Variants in TRAK1 observed in about 807,000 individuals in gnomAD.
TRAK1 encodes trafficking kinesin-binding protein 1.
TRAK1 carries 33 observed loss-of-function variants against 92.1 expected under a neutral mutation model. The observed-to-expected ratio is 0.36, with a 90% confidence interval of 0.27 to 0.48. The LOEUF (loss-of-function observed/expected upper bound fraction) is 0.48, where lower values mean the gene tolerates loss of function less well. Among genes scored for constraint, TRAK1 ranks in the 20% least tolerant of loss-of-function variants. TRAK1 has a pLI of 0.99. For synonymous variants in TRAK1, 521 were observed against 517.3 expected, an observed-to-expected ratio of 1.01 and a Z score of -0.10; for missense variants, 1,123 against 1,257.9, an observed-to-expected ratio of 0.89 and a Z score of 1.62.
rs1709578996 is a variant in TRAK1, at chr3:42,119,540, C to A, written c.92-5880C>A. On this transcript the variant is annotated intron_variant, in intron 1 of 15. Transcript: ENST00000327628. The stretch of plus-strand genomic sequence containing the variant: ...GCCTCAATAAGGTAGTTGTTTATTT[C>A]TTTTACTTTTAAAAGTTCAAGTGGA... 2.0e-5 allele frequency among the ~76,000 whole-genome samples: 3 copies of A among 152,146 alleles called. No individual in the cohort carries two copies. In the South Asian group the frequency reaches 6.2e-4, roughly 31 times the overall value.
intron 9 of TRAK1, among the ~76,000 whole-genome samples, chr3:42,194,533 G>A (rs1307458074): frequency 6.6e-6 from 1 of 152,076 alleles, no homozygotes; most frequent in Non-Finnish European, 1.5e-5. Flanking sequence ...ATCATTCCTA[G>A]CCTGATTTTT....
chr3:42,122,109 C>T (rs760146234), intron 1 of TRAK1, among the ~76,000 whole-genome samples: 5 of 152,290 alleles, frequency 3.3e-5, no homozygotes, highest in South Asian at 2.1e-4. Flanking sequence ...TGAGCCACTG[C>T]GCCTGGGCCA....
At chr3:42,073,625 G>A (rs1187692355) in intron 1 of TRAK1, among the ~76,000 whole-genome samples, 3 of 152,218 alleles carry the variant, frequency 2.0e-5, no homozygotes, top group Admixed American at 2.0e-4. Context: ...GGTCCTGTGA[G>A]GCGGATAACG....
chr3:42,099,942 A>G (rs1045198384), intron 1 of TRAK1, among the ~76,000 whole-genome samples: 1 of 152,078 alleles, frequency 6.6e-6, no homozygotes, highest in African/African-American at 2.4e-5. Context: ...GATGTGTGGT[A>G]AAGAATGGGC....
At chr3:42,081,833 C>G (rs910566818) in intron 1 of TRAK1, among the ~76,000 whole-genome samples, 1 of 152,198 alleles carries the variant, frequency 6.6e-6, no homozygotes, top group Non-Finnish European at 1.5e-5. Context: ...AAGTGCCTTA[C>G]ATTTTACAGA....
intron 1 of TRAK1, among the ~76,000 whole-genome samples, chr3:42,110,900 T>C (rs1200043589): frequency 6.6e-6 from 1 of 152,210 alleles, no homozygotes; most frequent in Non-Finnish European, 1.5e-5. Flanking sequence ...GCAGCATTTA[T>C]TCAGTGTCTG....
At chr3:42,169,009 A>C (rs1230639755) in intron 2 of TRAK1, among the ~76,000 whole-genome samples, 1 of 152,138 alleles carries the variant, frequency 6.6e-6, no homozygotes, top group South Asian at 2.1e-4. Context: ...TTTTTAGTAG[A>C]GATGAGGTTT....
At chr3:42,167,193 T>C (rs1400230073) in intron 2 of TRAK1, among the ~76,000 whole-genome samples, 1 of 152,228 alleles carries the variant, frequency 6.6e-6, no homozygotes, top group African/African-American at 2.4e-5. Context: ...CTTGAGGGCA[T>C]GCACTGTGCA....
intron 2 of TRAK1, among the ~76,000 whole-genome samples, chr3:42,171,066 C>T (rs981104097): frequency 1.3e-5 from 2 of 152,016 alleles, no homozygotes; most frequent in East Asian, 1.9e-4. Flanking sequence ...CCGCCTGCCT[C>T]GGCCTCCCAA....
chr3:42,020,551 T>C (rs1254334024), intron 1 of TRAK1, among the ~76,000 whole-genome samples: 2 of 152,232 alleles, frequency 1.3e-5, no homozygotes, highest in Non-Finnish European at 2.9e-5. Context: ...CATTTACCTG[T>C]GGATGGACAT....
At chr3:42,186,255 T>C (rs1490560258) in intron 4 of TRAK1, among the ~76,000 whole-genome samples, 1 of 152,198 alleles carries the variant, frequency 6.6e-6, no homozygotes, top group African/African-American at 2.4e-5. Context: ...ATGCTGGGAT[T>C]ACAGGTGTGA....
At chr3:42,029,950 T>G (rs1001248885) in intron 1 of TRAK1, among the ~76,000 whole-genome samples, 2 of 151,732 alleles carry the variant, frequency 1.3e-5, no homozygotes, top group Non-Finnish European at 1.5e-5. Flanking sequence ...TGCACTGGGA[T>G]AGGTGGGAGA....
rs562648782 is a variant in TRAK1 at position 42,148,100 on chromosome 3, G to A, written c.286+22486G>A. 5.3e-5 allele frequency among the ~76,000 whole-genome samples: 8 copies of A among 152,164 alleles called. No individual in the cohort carries two copies. In the East Asian group the frequency reaches 1.4e-3, roughly 26 times the overall value. ...CACCAACAGATACTTACAGTACCTG[G>A]CCAAGAGGACAATGAAGTAAATAAG... On this transcript the variant is annotated intron_variant, in intron 2 of 15. Transcript: ENST00000327628.
chr3:42,222,621 TC>T (rs1262263791), intron 15 of TRAK1, among the ~76,000 whole-genome samples: 4 of 152,204 alleles, frequency 2.6e-5, no homozygotes, highest in African/African-American at 9.7e-5. Flanking sequence ...ACTTGGGTTG[TC>T]CACTTAACAG....
rs60158720 is a variant in TRAK1, at chr3:42,055,178, C to T, written c.-518-31926C>T. ...CAAGTGGTCTGTCCTCCTTGGCCTC[C>T]CAAAGTGCTGGGATTACAAGAGTGA... On this transcript the variant is annotated intron_variant, in intron 1 of 16. Transcript: ENST00000487159. 5.1e-3 allele frequency among the ~76,000 whole-genome samples: 771 copies of T among 152,094 alleles called. 7 individuals are homozygous for T. Among genetic ancestry groups the T allele is most frequent in the African/African-American group, 0.018 (735 of 41,502 alleles).
At chr3:42,184,031 A>G (rs774029985) in intron 3 of TRAK1, among the ~76,000 whole-genome samples, 3 of 152,376 alleles carry the variant, frequency 2.0e-5, no homozygotes, top group Non-Finnish European at 2.9e-5. Flanking sequence ...TGGCAATTTT[A>G]TGCATAACGT....
At chr3:42,065,016 A>G (rs4974015) in intron 1 of TRAK1, among the ~76,000 whole-genome samples, 102,522 of 151,900 alleles carry the variant, frequency 0.67, 35,022 homozygotes, top group South Asian at 0.82. Flanking sequence ...GGTGGAGCTT[A>G]CAGTGAGCTG....
intron 15 of TRAK1, among the ~76,000 whole-genome samples, chr3:42,222,639 G>A (rs990091522): frequency 5.9e-5 from 9 of 152,210 alleles, no homozygotes; most frequent in African/African-American, 9.7e-5. Flanking sequence ...ACAGCCAGAT[G>A]TGACACCAAG....
At chr3:42,194,404 TG>T (rs1411837503) in intron 9 of TRAK1, among the ~76,000 whole-genome samples, 4 of 63,408 alleles carry the variant, frequency 6.3e-5, no homozygotes, top group East Asian at 3.2e-3. Context: ...ACCTAATTTT[TG>T]CTTTTTTTTT....
Sources: allele counts gnomAD v4.1 joint callset (sites outside exome capture counted in the v4.1 genomes callset), GRCh38; gene constraint gnomAD v4.1.1; transcripts MANE v1.5; gene names NCBI Gene and HGNC (gene_info 2026-07-23, HGNC 2026-07-21).